Variants in IPO9 observed in about 807,000 individuals in gnomAD.
IPO9 encodes the protein importin 9.
IPO9 carries 28 observed loss-of-function variants against 128.6 expected under a neutral mutation model. That is an observed-to-expected ratio of 0.22 (90% CI 0.16 to 0.30). The LOEUF is 0.30. IPO9 is among the 10% of genes least tolerant of loss of function. The pLI is 1.00. For synonymous variants in IPO9, 455 were observed against 475.8 expected, an observed-to-expected ratio of 0.96 and a Z score of 0.57; for missense variants, 935 against 1,293.9, an observed-to-expected ratio of 0.72 and a Z score of 4.26.
At chr1:201,869,187 G>T (rs1027830880) in intron 16 of IPO9, among the ~76,000 whole-genome samples, 3 of 152,178 alleles carry the variant, frequency 2.0e-5, no homozygotes, top group Non-Finnish European at 4.4e-5. Context: ...GGAGGCAGAG[G>T]TTGCAGTGAG....
intron 1 of IPO9, among the ~76,000 whole-genome samples, chr1:201,840,266 T>C (rs941945760): frequency 2.0e-5 from 3 of 152,296 alleles, no homozygotes; most frequent in African/African-American, 7.2e-5. Flanking sequence ...TTTTGGTGTT[T>C]CACCATGTTG....
Position 201,853,097 on chromosome 1 carries a change from G to A in IPO9, c.690G>A (p.Lys230=), listed in dbSNP as rs1313820499. 3 of 1,613,470 alleles carry A rather than the reference G, an allele frequency of 1.9e-6. No individual in the cohort carries two copies. Among genetic ancestry groups the A allele is most frequent in the Non-Finnish European group, 2.5e-6 (3 of 1,179,424 alleles). Residue 230 remains lysine, a splice_region_variant and synonymous_variant, in exon 6 of 24, where the codon AAG becomes AAA. Coordinates refer to ENST00000361565, the MANE Select transcript of IPO9 (RefSeq NM_018085.5). ...HMICNMEELE[K]GAAKVLIFPV... ...TCTGTAACATGGAGGAGCTGGAAAA[G>A]GTAAGCAGGTCTTTGGATCAATAAC...
chr1:201,860,923 T>C (rs1259137385), intron 13 of IPO9, among the ~76,000 whole-genome samples: 1 of 152,160 alleles, frequency 6.6e-6, no homozygotes, highest in Non-Finnish European at 1.5e-5. Context: ...ACCCCAGCAC[T>C]TTGGGAGGCT....
In IPO9 at chr1:201,861,471, T is replaced by C. The variant is rs180904978; in HGVS notation, c.1469-1977T>C. 7.2e-5 allele frequency among the ~76,000 whole-genome samples: 11 copies of C among 152,344 alleles called. No homozygotes were observed. In the East Asian group the frequency reaches 1.7e-3, roughly 24 times the overall value. On this transcript the variant is annotated intron_variant, in intron 13 of 23. Transcript: ENST00000361565. ...AAAATAGGCTTTGTGTTACGTGAGT[T>C]TGCCCAACTTTACGCTAATGTAAGT...
At chr1:201,843,452 T>C (rs1276388348) in intron 1 of IPO9, among the ~76,000 whole-genome samples, 1 of 152,230 alleles carries the variant, frequency 6.6e-6, no homozygotes, top group African/African-American at 2.4e-5. Context: ...AGAAGTATCT[T>C]GTAAGTAAGA....
chr1:201,854,787 A>G, intron 7 of IPO9, 36 bp from the exon 8 acceptor site: 1 of 1,602,336 alleles, frequency 6.2e-7, no homozygotes, highest in Non-Finnish European at 8.5e-7. Flanking sequence ...CTTATATATC[A>G]CTCATAACTT....
intron 1 of IPO9, among the ~76,000 whole-genome samples, chr1:201,838,310 C>T (rs1679977855): frequency 6.6e-6 from 1 of 152,172 alleles, no homozygotes; most frequent in Admixed American, 6.5e-5. Flanking sequence ...AGTTGTCTTT[C>T]TCCTTTAAAT....
intron 1 of IPO9, among the ~76,000 whole-genome samples, chr1:201,840,728 CT>C (rs1444393326): frequency 6.6e-6 from 1 of 152,028 alleles, no homozygotes; most frequent in Non-Finnish European, 1.5e-5. Flanking sequence ...TCTCTTTGAA[CT>C]GATTTGGAAA....
At chr1:201,874,790 A>G in intron 21 of IPO9, 42 bp from the exon 22 acceptor site, 1 of 1,378,452 alleles carries the variant, frequency 7.3e-7, no homozygotes. Context: ...GGGAAAATGC[A>G]TGAATGTGCT....
At chr1:201,865,218 C>CT (rs1680529124) in intron 14 of IPO9, among the ~76,000 whole-genome samples, 1 of 65,820 alleles carries the variant, frequency 1.5e-5, no homozygotes, top group African/African-American at 5.5e-5. Flanking sequence ...TTTTTTTTTT[C>CT]TTTTCTGAGA....
At chr1:201,849,266 C>G (rs1374051477) in intron 4 of IPO9, among the ~76,000 whole-genome samples, 1 of 152,160 alleles carries the variant, frequency 6.6e-6, no homozygotes, top group Non-Finnish European at 1.5e-5. Flanking sequence ...ATGGATATCT[C>G]TTCTAAACCT....
intron 6 of IPO9, among the ~76,000 whole-genome samples, 170 bp from the exon 7 acceptor site, chr1:201,854,425 A>G (rs1046210011): frequency 1.3e-5 from 2 of 152,228 alleles, no homozygotes; most frequent in African/African-American, 2.4e-5. Context: ...GGTTAAGGAA[A>G]AATGAAATCT....
At chr1:201,842,301 A>G (rs1038078197) in intron 1 of IPO9, among the ~76,000 whole-genome samples, 11 of 152,202 alleles carry the variant, frequency 7.2e-5, no homozygotes, top group African/African-American at 2.7e-4. Flanking sequence ...GAAGAGATAC[A>G]TAGGATGAGG....
chr1:201,872,486 C>T (rs1680671455), intron 19 of IPO9, among the ~76,000 whole-genome samples: 2 of 151,950 alleles, frequency 1.3e-5, no homozygotes, highest in Admixed American at 1.3e-4. Context: ...TGCCTATAGT[C>T]CCAGCTACTT....
chr1:201,834,112 G>C (rs1024441580), intron 1 of IPO9, among the ~76,000 whole-genome samples: 15 of 151,828 alleles, frequency 9.9e-5, no homozygotes, highest in Non-Finnish European at 2.1e-4. Context: ...TTTTGAGTTT[G>C]ATCAGGTTTG....
intron 4 of IPO9, among the ~76,000 whole-genome samples, chr1:201,851,119 G>C (rs1680207843): frequency 6.6e-6 from 1 of 151,594 alleles, no homozygotes; most frequent in South Asian, 2.1e-4. Context: ...GGGCTCAAGC[G>C]AGCCTCCTGC....
chr1:201,835,894 A>G lies in IPO9; in HGVS notation c.163+6522A>G, dbSNP rs192366886. The stretch of plus-strand genomic sequence containing the variant: ...TGGGAGGCCGAGGAGGGCGGATCAC[A>G]AGGTCAGGAGATCAAGACCATCCTG... On this transcript the variant is annotated intron_variant, in intron 1 of 23. Coordinates refer to ENST00000361565, the MANE Select transcript of IPO9 (RefSeq NM_018085.5). Among the ~76,000 whole-genome samples, 467 of 152,124 alleles carry G rather than the reference A, an allele frequency of 3.1e-3. 2 individuals are homozygous for G. Among genetic ancestry groups the G allele is most frequent in the African/African-American group, 0.011 (439 of 41,492 alleles).
chr1:201,844,384 A>G (rs1482959601), intron 1 of IPO9, among the ~76,000 whole-genome samples: 1 of 152,234 alleles, frequency 6.6e-6, no homozygotes, highest in Non-Finnish European at 1.5e-5. Flanking sequence ...TAACTGATCG[A>G]TATTCACCAG....
chr1:201,865,351 G>C (rs1680533446), intron 14 of IPO9, among the ~76,000 whole-genome samples: 1 of 152,028 alleles, frequency 6.6e-6, no homozygotes, highest in Non-Finnish European at 1.5e-5. Flanking sequence ...TGGGATTACA[G>C]GCATGTGCCA....
Sources: gnomAD v4.1 joint callset for allele counts (sites outside exome capture counted in the v4.1 genomes callset) on GRCh38, gnomAD v4.1.1 for gene constraint, MANE v1.5 for transcripts, NCBI Gene and HGNC (gene_info 2026-07-23, HGNC 2026-07-21) for gene names.